Variants in ADAM17 observed in about 807,000 individuals in gnomAD.
ADAM17 encodes disintegrin and metalloproteinase domain-containing protein 17.
Under a neutral mutation model 96.7 loss-of-function variants are expected in ADAM17, and 39 were observed. The observed-to-expected ratio is 0.40, with a 90% CI of 0.31 to 0.53. The LOEUF (loss-of-function observed/expected upper bound fraction) is 0.53, where lower values mean the gene tolerates loss of function less well. ADAM17 is among the 20% of genes least tolerant of loss of function. The pLI, the probability that ADAM17 is intolerant of heterozygous loss-of-function variation, is 0.44. For missense variants in ADAM17, 777 were observed against 1,013.2 expected, an observed-to-expected ratio of 0.77 and a Z score of 3.17; for synonymous variants, 344 against 359.2, an observed-to-expected ratio of 0.96 and a Z score of 0.48.
chr2:9,505,190 G>A lies in ADAM17; in HGVS notation c.1520C>T (p.Thr507Met), dbSNP rs780454096. The change falls in exon 12 of 19, where the codon ACG becomes ATG. Residue 507 changes from threonine to methionine, a missense_variant. This residue lies in a region of ADAM17 where 446 missense variants were observed against 664.7 expected (regional missense o/e 0.67). Transcript: ENST00000310823. ...CCTGCACTGGACACCTTCCTTCAAC[G>A]TGCAGTCGCTGTTGCAGCAGGTGTC... ...NNDTCCNSDC[T>M]LKEGVQCSDR... 28 of 1,614,032 alleles carry A rather than the reference G, an allele frequency of 1.7e-5. No homozygotes were observed. Among genetic ancestry groups the A allele is most frequent in the East Asian group, 1.3e-4 (6 of 44,900 alleles).
intron 10 of ADAM17, among the ~76,000 whole-genome samples, chr2:9,515,745 A>AAAAAAAG (rs1558510752): frequency 6.8e-6 from 1 of 147,576 alleles, no homozygotes; most frequent in East Asian, 1.9e-4. Context: ...CAAAAAAAAA[A>AAAAAAAG]AAAAAAGAAA....
Position 9,502,210 on chromosome 2 carries a change from C to T in ADAM17, c.1611G>A (p.Ala537=), listed in dbSNP as rs368127694. 8.1e-6 allele frequency: 13 copies of T among 1,613,948 alleles called. No individual in the cohort carries two copies. Among genetic ancestry groups the T allele is most frequent in the African/African-American group, 2.7e-5 (2 of 74,910 alleles). Residue 537 remains alanine, a synonymous_variant, in exon 13 of 19, where the codon GCG becomes GCA. Transcript: ENST00000310823. ...ACACGCCTTTGCAAGTAGCATTAATCGCCTCCTGGCACTTCTTCTGGGCAG... is the reference window on the plus strand; with the variant it reads ...ACACGCCTTTGCAAGTAGCATTAATTGCCTCCTGGCACTTCTTCTGGGCAG... ...FETAQKKCQE[A]INATCKGVSY... is the part of the protein sequence containing the mutation.
chr2:9,543,334 T>C (rs1665291407), intron 1 of ADAM17, 49 bp from the exon 2 acceptor site: 4 of 1,445,098 alleles, frequency 2.8e-6, no homozygotes, highest in Non-Finnish European at 3.7e-6. Context: ...AATAATCAAT[T>C]GTAGTATCGT....
intron 12 of ADAM17, among the ~76,000 whole-genome samples, chr2:9,502,853 T>A (rs1663091510): frequency 8.6e-6 from 1 of 115,798 alleles, no homozygotes; most frequent in African/African-American, 3.5e-5. Flanking sequence ...CACTCCAGCC[T>A]AGGCAACAAG....
chr2:9,552,378 T>C (rs1665613393), intron 1 of ADAM17, among the ~76,000 whole-genome samples: 1 of 152,220 alleles, frequency 6.6e-6, no homozygotes, highest in Admixed American at 6.5e-5. Context: ...TCTCTTAGAC[T>C]AATATAAAGC....
Position 9,555,691 on chromosome 2 carries a change from G to A in ADAM17, c.-86C>T. 3.4e-6 allele frequency: 4 copies of A among 1,162,228 alleles called. No homozygotes were observed. Among genetic ancestry groups the A allele is most frequent in the South Asian group, 1.6e-5 (1 of 60,678 alleles). 72.0% of individuals were successfully genotyped at this position (1,162,228 alleles called of 1,614,324 possible). A position where few individuals can be genotyped will look rare whatever the true frequency, so the allele number is the denominator to read the frequency against. On this transcript the variant is annotated 5_prime_UTR_variant, in exon 1 of 19. Coordinates refer to ENST00000310823, the MANE Select transcript of ADAM17 (RefSeq NM_003183.6). ...AAAACTGCTCACATCGGGGGAGGAC[G>A]GGATCCGCCCGGCCTAGCCCCTCAA...
chr2:9,547,667 G>C (rs888065591), intron 1 of ADAM17, among the ~76,000 whole-genome samples: 1 of 152,166 alleles, frequency 6.6e-6, no homozygotes, highest in East Asian at 1.9e-4. Flanking sequence ...TGTGAGGCTG[G>C]AGAGTCAGGC....
At chr2:9,513,352 C>T (rs1663848405) in intron 10 of ADAM17, among the ~76,000 whole-genome samples, 1 of 152,132 alleles carries the variant, frequency 6.6e-6, no homozygotes, top group South Asian at 2.1e-4. Flanking sequence ...TAAGCTTTTC[C>T]CTGAGTTCTG....
At chr2:9,532,731 A>C (rs897482592) in intron 4 of ADAM17, among the ~76,000 whole-genome samples, 46 of 141,724 alleles carry the variant, frequency 3.2e-4, no homozygotes, top group African/African-American at 1.2e-3. Context: ...CAAGCAGTCC[A>C]CCCGCCTCAG....
chr2:9,550,935 C>T (rs1402433039), intron 1 of ADAM17, among the ~76,000 whole-genome samples: 7 of 148,872 alleles, frequency 4.7e-5, no homozygotes, highest in Non-Finnish European at 5.9e-5. Flanking sequence ...ATTAGCCAGG[C>T]GTGGTGGGGG....
intron 1 of ADAM17, among the ~76,000 whole-genome samples, chr2:9,553,838 C>T (rs1393906357): frequency 6.6e-6 from 1 of 151,916 alleles, no homozygotes; most frequent in African/African-American, 2.4e-5. Context: ...CCCAGGTGGG[C>T]GGATCACGAG....
chr2:9,531,931 A>G lies in ADAM17; in HGVS notation c.450+3903T>C, dbSNP rs564424633. ...GGGCAACACAGTGAGACCTCATCAA[A>G]AATCTGATACACTCTACAAAAATTT... is the stretch of plus-strand genomic sequence containing the variant. On this transcript the variant is annotated intron_variant, in intron 4 of 18. Coordinates refer to ENST00000310823, the MANE Select transcript of ADAM17 (RefSeq NM_003183.6). Among the ~76,000 whole-genome samples, 12 of 152,238 alleles carry G rather than the reference A, an allele frequency of 7.9e-5. No individual in the cohort carries two copies. In the East Asian group the frequency reaches 2.1e-3, roughly 27 times the overall value.
chr2:9,544,541 G>C (rs1054147620), intron 1 of ADAM17, among the ~76,000 whole-genome samples: 2 of 147,876 alleles, frequency 1.4e-5, no homozygotes, highest in African/African-American at 5.0e-5. Flanking sequence ...GGGGAAAAAA[G>C]GCCGGGCTGG....
At chr2:9,555,485 A>C (rs1374943878) in intron 1 of ADAM17, 24 bp downstream of exon 1, 9 of 1,551,408 alleles carry the variant, frequency 5.8e-6, no homozygotes, top group Middle Eastern at 1.8e-4. Context: ...GCGCCGGCCT[A>C]AGCCAACTCC....
Position 9,502,294 on chromosome 2 carries a change from A to G in ADAM17, c.1545-18T>C. The G allele has an allele frequency of 6.3e-7, 1 of 1,587,686 alleles. No individual in the cohort carries two copies. ...TCCTGTCACTGGAGAAGAACAGCAG[A>G]CAGGAACAGAGCAATTCAAATTATG... On this transcript the variant is annotated intron_variant, in intron 12 of 18. Coordinates refer to ENST00000310823, the MANE Select transcript of ADAM17 (RefSeq NM_003183.6).
At position 9,527,968 on chromosome 2, in the gene ADAM17, T is replaced by C; in HGVS notation, c.451-14A>G. 1 of 1,453,070 alleles carries C rather than the reference T, an allele frequency of 6.9e-7. No individual in the cohort carries two copies. Among genetic ancestry groups the C allele is most frequent in the Non-Finnish European group, 9.2e-7 (1 of 1,086,668 alleles). 90.0% of individuals were successfully genotyped at this position (1,453,070 alleles called of 1,614,324 possible). ...TCTCCAAAGTGGCTAAAACAGAAAA[T>C]ATATACGACTGAGATGGAAAACAAT... On this transcript the variant is annotated splice_polypyrimidine_tract_variant and intron_variant, in intron 4 of 18. Coordinates refer to ENST00000310823, the MANE Select transcript of ADAM17 (RefSeq NM_003183.6).
At chr2:9,490,991 C>G in intron 18 of ADAM17, 110 bp downstream of exon 18, 1 of 954,270 alleles carries the variant, frequency 1.0e-6, no homozygotes, top group Non-Finnish European at 1.6e-6. Flanking sequence ...CCTGCTGCAA[C>G]ATGACCTTCC....
Position 9,492,761 on chromosome 2 carries a change from A to G in ADAM17, c.2082+137T>C, listed in dbSNP as rs894811080. Reference sequence around the variant, plus strand: ...TTCTACAAGACATGTTCCCCTAGGAATAACAACAAAAAAAGCTATTGGAAA... The same window carrying G: ...TTCTACAAGACATGTTCCCCTAGGAGTAACAACAAAAAAAGCTATTGGAAA... On this transcript the variant is annotated intron_variant, in intron 17 of 18. Transcript: ENST00000310823. The G allele has an allele frequency of 1.3e-5, 8 of 634,778 alleles. No homozygotes were observed. The African/African-American group carries it at 1.3e-4, about 10-fold the overall frequency. 39.3% of individuals were successfully genotyped at this position (634,778 alleles called of 1,614,324 possible). A position where few individuals can be genotyped will look rare whatever the true frequency, so the allele number is the denominator to read the frequency against.
At chr2:9,497,604 A>G (rs1453260236) in intron 13 of ADAM17, among the ~76,000 whole-genome samples, 1 of 152,204 alleles carries the variant, frequency 6.6e-6, no homozygotes, top group Non-Finnish European at 1.5e-5. Context: ...GGCCTTCCCT[A>G]TCTGGCCCTG....
Sources: allele counts gnomAD v4.1 joint callset (sites outside exome capture counted in the v4.1 genomes callset), GRCh38; gene constraint gnomAD v4.1.1; regional missense constraint gnomAD v4.1.1; transcripts MANE v1.5; gene names NCBI Gene and HGNC (gene_info 2026-07-23, HGNC 2026-07-21).